Variants in CNBD1 observed in about 807,000 individuals in gnomAD.
CNBD1 encodes cyclic nucleotide binding domain containing 1, also known as cyclic nucleotide-binding domain-containing protein 1.
A neutral mutation model predicts 54.4 loss-of-function variants in CNBD1; 71 were observed. That is an observed-to-expected ratio of 1.30 (90% CI 1.08 to 1.59). CNBD1 has a LOEUF of 1.59. Among genes scored for constraint, CNBD1 ranks in the 40% most tolerant of loss-of-function variants. The pLI is 0.00. For missense variants in CNBD1, 659 were observed against 518.0 expected (o/e 1.27, Z -2.64); for synonymous variants, 182 against 170.7 (o/e 1.07, Z -0.51).
intron 8 of CNBD1, among the ~76,000 whole-genome samples, chr8:87,328,975 G>A (rs752944411): frequency 7.9e-5 from 12 of 151,880 alleles, no homozygotes; most frequent in Non-Finnish European, 1.5e-4. Context: ...CAAACCCAAG[G>A]CCATCTAGAT....
chr8:87,351,913 A>G lies in CNBD1; in HGVS notation c.1152+119A>G, dbSNP rs945701046. 2.6e-5 allele frequency: 27 copies of G among 1,039,556 alleles called. No homozygotes were observed. In the African/African-American group the frequency reaches 4.2e-4, roughly 16 times the overall value. 64.4% of individuals were successfully genotyped at this position (1,039,556 alleles called of 1,614,324 possible). A position where few individuals can be genotyped will look rare whatever the true frequency, so the allele number is the denominator to read the frequency against. On this transcript the variant is annotated intron_variant, in intron 9 of 10. Transcript: ENST00000518476. ...TATTACTTTGTGAAATTTCTATTCA[A>G]TTTTTTGAAATTTTTGTGTTTGTTT...
rs373998892 is a variant in CNBD1, at chr8:86,907,699, A to C, written c.272+2505A>C. ...AACAAAAACAAAAAAACAAAAAAAA[A>C]CCCCTTAAACTGAATTAAATAGAAT... On this transcript the variant is annotated intron_variant, in intron 3 of 10. Transcript: ENST00000518476. 5.3e-5 allele frequency among the ~76,000 whole-genome samples: 8 copies of C among 151,956 alleles called. No homozygotes were observed. In the East Asian group the frequency reaches 7.8e-4, roughly 15 times the overall value.
At chr8:87,257,220 A>C (rs944472938) in intron 6 of CNBD1, among the ~76,000 whole-genome samples, 2 of 148,826 alleles carry the variant, frequency 1.3e-5, no homozygotes, top group Admixed American at 1.3e-4. Flanking sequence ...AATAAAAAAA[A>C]TTAGCCAGTG....
At chr8:87,426,111 C>G (rs1165294223) in intron 2 of CNBD1, among the ~76,000 whole-genome samples, 3 of 152,214 alleles carry the variant, frequency 2.0e-5, no homozygotes, top group Non-Finnish European at 4.4e-5. Flanking sequence ...CTTTCTTTGA[C>G]TAGGAAAGGG....
At chr8:87,129,284 C>T (rs1248826509) in intron 4 of CNBD1, among the ~76,000 whole-genome samples, 1 of 151,800 alleles carries the variant, frequency 6.6e-6, no homozygotes, top group Non-Finnish European at 1.5e-5. Flanking sequence ...ACCAGAAAGC[C>T]ATCTGGGCCA....
intron 3 of CNBD1, among the ~76,000 whole-genome samples, chr8:86,915,445 C>T (rs1279248546): frequency 6.6e-6 from 1 of 152,102 alleles, no homozygotes; most frequent in Non-Finnish European, 1.5e-5. Flanking sequence ...TTTGTGGTCT[C>T]CCATTAGCTT....
At chr8:87,197,572 C>A (rs561192701) in intron 4 of CNBD1, among the ~76,000 whole-genome samples, 1 of 152,220 alleles carries the variant, frequency 6.6e-6, no homozygotes, top group South Asian at 2.1e-4. Flanking sequence ...ACTTCTGTTT[C>A]TCCATGGCCC....
chr8:87,255,994 TATATATATATATATATATA>T (rs1808004059), intron 6 of CNBD1, among the ~76,000 whole-genome samples: 3 of 14,014 alleles, frequency 2.1e-4, no homozygotes, highest in African/African-American at 3.4e-4. Flanking sequence ...TATATATATA[TATATATATATATATATATA>T]TATTTTTTTT....
intron 2 of CNBD1, among the ~76,000 whole-genome samples, chr8:87,395,488 A>G (rs2130972952): frequency 6.6e-6 from 1 of 152,080 alleles, no homozygotes; most frequent in East Asian, 1.9e-4. Context: ...AAATGCTACA[A>G]TAAAGGTTTT....
rs139788241 is a variant in CNBD1, at chr8:86,992,255, G to A, written c.431+52501G>A. 2.2e-3 allele frequency among the ~76,000 whole-genome samples: 331 copies of A among 151,934 alleles called. 1 individual carries two copies. The highest frequency in any genetic ancestry group is 7.4e-3 in the African/African-American group (308 of 41,458). On this transcript the variant is annotated intron_variant, in intron 4 of 10. Transcript: ENST00000518476. The stretch of plus-strand genomic sequence containing the variant: ...TTTTTTTAAAATTATACGCCTTATC[G>A]TTAGGTAATGCCCTTTTTTGTTCTT...
At chr8:87,402,921 C>T (rs556196157) in intron 2 of CNBD1, among the ~76,000 whole-genome samples, 1 of 152,038 alleles carries the variant, frequency 6.6e-6, no homozygotes, top group African/African-American at 2.4e-5. Flanking sequence ...TGTACAAGCA[C>T]ACAAGCATAC....
At chr8:87,044,273 T>C (rs972080747) in intron 4 of CNBD1, among the ~76,000 whole-genome samples, 5 of 152,082 alleles carry the variant, frequency 3.3e-5, no homozygotes, top group African/African-American at 1.2e-4. Flanking sequence ...TAAAGAGAGA[T>C]AATGTTATAT....
intron 4 of CNBD1, among the ~76,000 whole-genome samples, chr8:86,951,904 A>G (rs908625115): frequency 1.3e-5 from 2 of 152,178 alleles, no homozygotes; most frequent in African/African-American, 4.8e-5. Context: ...CCTAAAAAAG[A>G]TAGCTACTAA....
chr8:87,338,621 T>TTG (rs1810002513), intron 8 of CNBD1, among the ~76,000 whole-genome samples: 1 of 149,082 alleles, frequency 6.7e-6, no homozygotes, highest in Non-Finnish European at 1.5e-5. Flanking sequence ...TTTTCTTTGT[T>TTG]TTTTTTTTTC....
At chr8:87,325,819 G>A (rs1170448826) in intron 8 of CNBD1, among the ~76,000 whole-genome samples, 1 of 148,662 alleles carries the variant, frequency 6.7e-6, no homozygotes, top group East Asian at 1.9e-4. Context: ...AGTTTATATT[G>A]TTATGTGTGA....
intron 6 of CNBD1, among the ~76,000 whole-genome samples, chr8:87,245,340 T>G (rs971163066): frequency 3.3e-5 from 5 of 152,080 alleles, no homozygotes. Flanking sequence ...TATTGGTACA[T>G]AGTAAGTCTG....
intron 4 of CNBD1, among the ~76,000 whole-genome samples, chr8:87,083,041 A>G (rs1425557118): frequency 1.3e-5 from 2 of 152,142 alleles, no homozygotes; most frequent in African/African-American, 2.4e-5. Flanking sequence ...CCAAATTCCT[A>G]TCTAAGGGGT....
At chr8:87,194,226 C>G (rs1397111817) in intron 4 of CNBD1, among the ~76,000 whole-genome samples, 1 of 152,128 alleles carries the variant, frequency 6.6e-6, no homozygotes, top group Non-Finnish European at 1.5e-5. Context: ...GTGTACAGTT[C>G]TCTTGTTTTG....
intron 6 of CNBD1, among the ~76,000 whole-genome samples, chr8:87,273,573 C>A (rs1313876258): frequency 1.3e-5 from 2 of 151,998 alleles, no homozygotes; most frequent in Admixed American, 6.6e-5. Flanking sequence ...GCAGCCTGAG[C>A]TGTTCAGGAG....
Sources: gnomAD v4.1 joint callset for allele counts (sites outside exome capture counted in the v4.1 genomes callset) on GRCh38, gnomAD v4.1.1 for gene constraint, MANE v1.5 for transcripts, NCBI Gene and HGNC (gene_info 2026-07-23, HGNC 2026-07-21) for gene names.